Variants in PKIB observed in about 807,000 individuals in gnomAD.
The protein encoded by PKIB is cAMP-dependent protein kinase inhibitor beta, also known as PKI-beta.
PKIB carries 2 observed loss-of-function variants against 4.5 expected under a neutral mutation model. That is an observed-to-expected ratio of 0.44 (90% CI 0.18 to 1.39). PKIB has a LOEUF of 1.39. Ranked by LOEUF, PKIB falls within the 40% of genes most tolerant of loss-of-function variation. The pLI is 0.27. For synonymous variants in PKIB, 38 were observed against 36.0 expected, an observed-to-expected ratio of 1.06 and a Z score of -0.20; for missense variants, 94 against 92.6, an observed-to-expected ratio of 1.02 and a Z score of -0.06.
At chr6:122,574,152 C>T (rs1773459647) in intron 2 of PKIB, among the ~76,000 whole-genome samples, 2 of 152,150 alleles carry the variant, frequency 1.3e-5, no homozygotes, top group Admixed American at 1.3e-4. Flanking sequence ...AAATCAAGAA[C>T]TCAATCCCTT....
chr6:122,707,606 C>T (rs1779113977), intron 3 of PKIB, among the ~76,000 whole-genome samples: 1 of 152,162 alleles, frequency 6.6e-6, no homozygotes, highest in East Asian at 1.9e-4. Flanking sequence ...TTTGGCTATG[C>T]ATATTTTACA....
intron 2 of PKIB, among the ~76,000 whole-genome samples, chr6:122,506,928 C>T (rs867239484): frequency 6.6e-6 from 1 of 151,740 alleles, no homozygotes; most frequent in Non-Finnish European, 1.5e-5. Context: ...GTCTCGATCT[C>T]CTGACCTCGT....
intron 2 of PKIB, among the ~76,000 whole-genome samples, chr6:122,520,661 T>TTTTCCC (rs1562237597): frequency 1.8e-5 from 1 of 55,542 alleles, no homozygotes; most frequent in African/African-American, 6.0e-5. Context: ...AAGTTTATGT[T>TTTTCCC]CCCACCCCCC....
intron 2 of PKIB, among the ~76,000 whole-genome samples, chr6:122,490,312 GT>G (rs1180611571): frequency 1.3e-5 from 2 of 152,210 alleles, no homozygotes; most frequent in Non-Finnish European, 2.9e-5. Flanking sequence ...CTGAGATGAA[GT>G]TTAGCGTGAG....
rs554999634 is a variant in PKIB, at chr6:122,541,552, G to A, written c.-247-44369G>A. 9.4e-4 allele frequency among the ~76,000 whole-genome samples: 143 copies of A among 152,114 alleles called. 3 individuals are homozygous for A. The South Asian group carries it at 0.022, about 24-fold the overall frequency. ...TTGTAGAGTTTCTGCCGAGAGATCC[G>A]CTGTTAATCTGATGGGCTTCCCTTT... On this transcript the variant is annotated intron_variant, in intron 2 of 6. Coordinates refer to the PKIB transcript ENST00000392491.
intron 2 of PKIB, among the ~76,000 whole-genome samples, chr6:122,495,528 G>T (rs183338077): frequency 6.6e-6 from 1 of 152,128 alleles, no homozygotes; most frequent in East Asian, 1.9e-4. Context: ...TTCTGGGCTA[G>T]CCCAACCCTA....
At position 122,674,418 on chromosome 6, in the gene PKIB, A is replaced by G. The variant is rs1326692350; in HGVS notation, c.-75-660A>G. Among the ~76,000 whole-genome samples the G allele has an allele frequency of 1.3e-5, 2 of 152,172 alleles. 1 individual carries two copies. Among genetic ancestry groups the G allele is most frequent in the Non-Finnish European group, 2.9e-5 (2 of 68,032 alleles). The stretch of plus-strand genomic sequence containing the variant: ...GGAATTTGCAAAGTGCCTTATTGCT[A>G]TGAGTGGCTAATGTGCATACCGACG... On this transcript the variant is annotated intron_variant, in intron 2 of 4. Coordinates refer to ENST00000368452, the MANE Select transcript of PKIB (RefSeq NM_181795.3).
chr6:122,613,940 T>G (rs920017693), intron 1 of PKIB, among the ~76,000 whole-genome samples: 7 of 123,380 alleles, frequency 5.7e-5, no homozygotes, highest in African/African-American at 2.2e-4. Flanking sequence ...TCCAGCCTGG[T>G]GACAGAGTGA....
At chr6:122,537,247 A>T (rs958358266) in intron 2 of PKIB, among the ~76,000 whole-genome samples, 3 of 152,036 alleles carry the variant, frequency 2.0e-5, no homozygotes, top group Admixed American at 1.3e-4. Flanking sequence ...TACATGTGCC[A>T]TGTTGGTGTG....
At chr6:122,688,185 C>G (rs955045872) in intron 3 of PKIB, among the ~76,000 whole-genome samples, 2 of 152,022 alleles carry the variant, frequency 1.3e-5, no homozygotes, top group Non-Finnish European at 2.9e-5. Context: ...TTATCAAATG[C>G]TTTTTCAGCA....
At chr6:122,540,044 T>C (rs1777542571) in intron 2 of PKIB, among the ~76,000 whole-genome samples, 1 of 152,068 alleles carries the variant, frequency 6.6e-6, no homozygotes. Flanking sequence ...TATCATTTTT[T>C]ATTGCGTCTA....
intron 2 of PKIB, among the ~76,000 whole-genome samples, chr6:122,506,200 G>A (rs1776390796): frequency 6.6e-6 from 1 of 152,048 alleles, no homozygotes; most frequent in Non-Finnish European, 1.5e-5. Context: ...CACCAAATGT[G>A]AAATCAATAC....
At chr6:122,497,210 A>C (rs867839593) in intron 2 of PKIB, among the ~76,000 whole-genome samples, 1 of 152,336 alleles carries the variant, frequency 6.6e-6, no homozygotes, top group Middle Eastern at 3.4e-3. Context: ...CCAGCCTTAC[A>C]AAAGATTATT....
intron 3 of PKIB, among the ~76,000 whole-genome samples, chr6:122,589,885 A>T (rs958011865): frequency 3.3e-5 from 5 of 152,216 alleles, no homozygotes; most frequent in African/African-American, 1.2e-4. Flanking sequence ...TCAAGTTCAA[A>T]TAAGTGATCC....
chr6:122,563,980 C>T (rs187441625), intron 2 of PKIB, among the ~76,000 whole-genome samples: 2 of 152,268 alleles, frequency 1.3e-5, no homozygotes, highest in East Asian at 1.9e-4. Flanking sequence ...GGCTTCTCAT[C>T]GGGTTCATAT....
chr6:122,636,765 A>G (rs950684137), intron 2 of PKIB, among the ~76,000 whole-genome samples: 1 of 152,158 alleles, frequency 6.6e-6, no homozygotes, highest in Non-Finnish European at 1.5e-5. Context: ...ATATTTTTGA[A>G]AAAAGAAGAA....
At position 122,551,657 on chromosome 6, in the gene PKIB, G is replaced by A. The variant is rs1331180846; in HGVS notation, c.-247-34264G>A. ...TCATCAACATTGAGCCAGCATTCTG[G>A]AAGCCACGAGGAAAGAATGGAGGGG... On this transcript the variant is annotated intron_variant, in intron 2 of 6. Coordinates refer to the PKIB transcript ENST00000392491. 1.1e-4 allele frequency among the ~76,000 whole-genome samples: 16 copies of A among 152,162 alleles called. 2 individuals carry two copies. The South Asian group carries it at 3.3e-3, about 32-fold the overall frequency.
chr6:122,566,622 C>T (rs1773203212), intron 2 of PKIB, among the ~76,000 whole-genome samples: 1 of 148,696 alleles, frequency 6.7e-6, no homozygotes. Context: ...TCCTCCCTTC[C>T]TCCCTTCCTC....
At chr6:122,647,170 G>A (rs1283012422) in intron 2 of PKIB, among the ~76,000 whole-genome samples, 2 of 152,132 alleles carry the variant, frequency 1.3e-5, no homozygotes, top group East Asian at 1.9e-4. Flanking sequence ...GCAAGAGTTC[G>A]AGCTTCAGTC....
Sources: allele counts gnomAD v4.1 joint callset (sites outside exome capture counted in the v4.1 genomes callset), GRCh38; gene constraint gnomAD v4.1.1; transcripts MANE v1.5; gene names NCBI Gene and HGNC (gene_info 2026-07-23, HGNC 2026-07-21).